Variants in DPRX observed in about 807,000 individuals in gnomAD.
DPRX encodes divergent-paired related homeobox.
In DPRX, 11 loss-of-function variants were observed where a neutral mutation model predicts 8.4. The ratio of observed to expected loss-of-function variants is 1.31; its 90% CI spans 0.82 to 2.17. The LOEUF is 2.17. DPRX is among the 30% of genes most tolerant of loss of function. The probability of loss-of-function intolerance (pLI) is 0.00; values close to 1 mark genes in which losing one functional copy is unlikely to be tolerated. For missense variants in DPRX, 211 were observed against 236.7 expected, an observed-to-expected ratio of 0.89 and a Z score of 0.71; for synonymous variants, 72 against 87.0, an observed-to-expected ratio of 0.83 and a Z score of 0.96.
upstream of DPRX, among the ~76,000 whole-genome samples, chr19:53,628,952 C>T (rs1206925211): frequency 6.6e-6 from 1 of 152,052 alleles, no homozygotes; most frequent in East Asian, 1.9e-4. Flanking sequence ...CCCTCCTCCT[C>T]CCGGCCTGTC....
chr19:53,622,668 T>C, the DPRX span, among the ~76,000 whole-genome samples: 3 of 152,194 alleles, frequency 2.0e-5, no homozygotes, highest in South Asian at 4.2e-4. Flanking sequence ...ACTACCTCAT[T>C]TCTCTGCCCA....
At chr19:53,630,503 G>A (rs531309781), upstream of DPRX, among the ~76,000 whole-genome samples, 96 of 152,182 alleles carry the variant, frequency 6.3e-4, no homozygotes, top group Non-Finnish European at 1.1e-3. Context: ...ATTGAGCTAT[G>A]ATTTTGCCAC....
the DPRX span, among the ~76,000 whole-genome samples, chr19:53,614,052 T>C: frequency 4.0e-5 from 6 of 151,398 alleles, no homozygotes; most frequent in African/African-American, 1.2e-4. Flanking sequence ...CCTGGGTTCA[T>C]GCCAGTCTTC....
the DPRX span, chr19:53,608,386 G>A: frequency 5.9e-5 from 9 of 152,482 alleles, no homozygotes; most frequent in Non-Finnish European, 1.2e-4. Flanking sequence ...GAACCAAAAG[G>A]TTCACACCTG....
At chr19:53,602,209 C>A in the DPRX span, 1 of 443,732 alleles carries the variant, frequency 2.3e-6, no homozygotes, top group South Asian at 1.6e-5. Context: ...ACTTCAGAAG[C>A]TAAATAAGTG....
At chr19:53,636,358 T>A (rs1305861878) in intron 2 of DPRX, among the ~76,000 whole-genome samples, 1 of 149,032 alleles carries the variant, frequency 6.7e-6, no homozygotes, top group Non-Finnish European at 1.5e-5. Context: ...AAGGTGAGAC[T>A]CCATCTCAAA....
chr19:53,616,213 T>C, the DPRX span, among the ~76,000 whole-genome samples: 7 of 151,836 alleles, frequency 4.6e-5, no homozygotes, highest in South Asian at 8.3e-4. Flanking sequence ...GATTGCGCCA[T>C]TGCACTCCAG....
chr19:53,610,747 G>T, the DPRX span, among the ~76,000 whole-genome samples: 4 of 152,082 alleles, frequency 2.6e-5, no homozygotes, highest in Non-Finnish European at 5.9e-5. Context: ...GTGATTCTGG[G>T]TTTTTTTCAG....
the DPRX span, among the ~76,000 whole-genome samples, chr19:53,605,346 G>A: frequency 1.3e-5 from 2 of 151,690 alleles, no homozygotes; most frequent in African/African-American, 4.9e-5. Context: ...CCGAGTAGCT[G>A]GGACTACAGG....
the DPRX span, chr19:53,603,276 C>G: frequency 2.2e-6 from 1 of 452,858 alleles, no homozygotes; most frequent in Admixed American, 2.4e-5. Context: ...ACTACCAAAG[C>G]CCCACACTCC....
chr19:53,622,336 TAA>T, the DPRX span, among the ~76,000 whole-genome samples: 11 of 152,036 alleles, frequency 7.2e-5, no homozygotes, highest in Non-Finnish European at 1.0e-4. Context: ...CATATTTAGT[TAA>T]GAGAGAGAGA....
At chr19:53,613,727 G>T in the DPRX span, among the ~76,000 whole-genome samples, 1 of 151,778 alleles carries the variant, frequency 6.6e-6, no homozygotes, top group African/African-American at 2.4e-5. Context: ...AACCCCAAAC[G>T]ATGCGTTTGG....
the DPRX span, among the ~76,000 whole-genome samples, chr19:53,613,867 C>T: frequency 6.6e-6 from 1 of 151,616 alleles, no homozygotes; most frequent in Non-Finnish European, 1.5e-5. Context: ...ATTTTTTTTT[C>T]CTACGTTTAT....
chr19:53,611,649 G>T, the DPRX span, among the ~76,000 whole-genome samples: 1 of 152,168 alleles, frequency 6.6e-6, no homozygotes, highest in African/African-American at 2.4e-5. Context: ...AGGAGGAGAA[G>T]AATAACACGA....
At chr19:53,608,953 C>CAAAAAAA in the DPRX span, among the ~76,000 whole-genome samples, 54 of 76,894 alleles carry the variant, frequency 7.0e-4, no homozygotes, top group Non-Finnish European at 9.2e-4. Context: ...GAGACTCCGT[C>CAAAAAAA]AAAAAAAAAA....
chr19:53,624,079 CTTTTTTTTT>C, the DPRX span, among the ~76,000 whole-genome samples: 2 of 93,286 alleles, frequency 2.1e-5, no homozygotes, highest in East Asian at 2.8e-4. Context: ...ATTGTTGTAC[CTTTTTTTTT>C]TTTTTTTTTT....
Position 53,636,588 on chromosome 19 carries a change from C to T in DPRX, c.184-8C>T. The T allele has an allele frequency of 6.3e-7, 1 of 1,577,322 alleles. No individual in the cohort carries two copies. The highest frequency in any genetic ancestry group is 8.6e-7 in the Non-Finnish European group (1 of 1,158,794). On this transcript the variant is annotated splice_polypyrimidine_tract_variant and splice_region_variant and intron_variant, in intron 2 of 2. Coordinates refer to ENST00000376650, the Ensembl canonical transcript of DPRX. Reference sequence around the variant, plus strand: ...TCCACCCCATTCTCTTCTCTCTCTTCCCTTCAGGTCTGGTTCAAGAATCAC... The same window carrying T: ...TCCACCCCATTCTCTTCTCTCTCTTTCCTTCAGGTCTGGTTCAAGAATCAC...
At chr19:53,625,415 C>T in the DPRX span, among the ~76,000 whole-genome samples, 1 of 152,102 alleles carries the variant, frequency 6.6e-6, no homozygotes, top group African/African-American at 2.4e-5. Flanking sequence ...AGAGACAGCT[C>T]ATGCTATTAG....
At chr19:53,613,339 C>T in the DPRX span, among the ~76,000 whole-genome samples, 3 of 152,064 alleles carry the variant, frequency 2.0e-5, no homozygotes, top group South Asian at 6.2e-4. Flanking sequence ...CACGTTGTCA[C>T]GTGTGAGATC....
Sources: gnomAD v4.1 joint callset for allele counts (sites outside exome capture counted in the v4.1 genomes callset) on GRCh38, gnomAD v4.1.1 for gene constraint, MANE v1.5 for transcripts, NCBI Gene and HGNC (gene_info 2026-07-23, HGNC 2026-07-21) for gene names.